The following CRYZL1 variants were observed in gnomAD, a reference collection of about 807,000 sequenced individuals.
CRYZL1 encodes the protein crystallin zeta like 1.
CRYZL1 carries 34 observed loss-of-function variants against 50.6 expected under a neutral mutation model. That is an observed-to-expected ratio of 0.67 (90% confidence interval 0.51 to 0.89). CRYZL1 has a LOEUF of 0.89. Ranked by LOEUF, CRYZL1 falls within the 40% of genes least tolerant of loss-of-function variation. The pLI, the probability that CRYZL1 is intolerant of heterozygous loss-of-function variation, is 0.00. For missense variants in CRYZL1, 354 were observed against 402.3 expected (o/e 0.88, Z 1.03); for synonymous variants, 125 against 134.3 (o/e 0.93, Z 0.48).
rs1022324204 is a variant in CRYZL1, at chr21:33,641,350, G to A, written c.-7+331C>T. 1.2e-5 allele frequency: 18 copies of A among 1,524,786 alleles called. No individual in the cohort carries two copies. The South Asian group carries it at 1.8e-4, about 16-fold the overall frequency. The allele number at this position is 1,524,786 out of a possible 1,614,324, so 94.5% of individuals were successfully genotyped here. On this transcript the variant is annotated intron_variant, in intron 1 of 12. Transcript: ENST00000381554. ...AAAGAAAAAGACACTCAAATTCTAG[G>A]AACAAGAAGCAGAGGAGAAAAACCC... is the stretch of plus-strand genomic sequence containing the variant.
intron 1 of CRYZL1, among the ~76,000 whole-genome samples, chr21:33,637,788 TAC>T (rs1555834479): frequency 4.5e-4 from 53 of 117,192 alleles, no homozygotes; most frequent in African/African-American, 1.4e-3. Context: ...TATATATATA[TAC>T]ACACACACAC....
intron 7 of CRYZL1, among the ~76,000 whole-genome samples, chr21:33,602,963 T>C (rs890329909): frequency 2.0e-5 from 3 of 152,222 alleles, no homozygotes; most frequent in African/African-American, 7.2e-5. Flanking sequence ...TCTTTTAGTG[T>C]CTTGAACTAT....
intron 4 of CRYZL1, among the ~76,000 whole-genome samples, chr21:33,621,610 G>C (rs562566946): frequency 3.3e-5 from 5 of 152,132 alleles, no homozygotes; most frequent in African/African-American, 1.2e-4. Context: ...CAAAGTGCTG[G>C]GATTACAGGC....
chr21:33,601,590 TA>T (rs919155089), intron 8 of CRYZL1, among the ~76,000 whole-genome samples: 19 of 151,338 alleles, frequency 1.3e-4, no homozygotes, highest in South Asian at 4.2e-4. Flanking sequence ...AATGTAAGTT[TA>T]AAAAAAAATA....
chr21:33,625,909 T>C (rs1389607677), intron 2 of CRYZL1, among the ~76,000 whole-genome samples: 1 of 151,654 alleles, frequency 6.6e-6, no homozygotes. Flanking sequence ...GATCCTCCTG[T>C]CTTGGCCTTC....
rs201151953 is a variant in CRYZL1 at position 33,602,242 on chromosome 21, G to A, written c.569C>T (p.Pro190Leu). The A allele has an allele frequency of 1.5e-4, 228 of 1,564,842 alleles. No homozygotes were observed. The Admixed American group carries it at 3.0e-3, about 21-fold the overall frequency. The change falls in exon 8 of 13, where the codon CCT (proline) becomes CTT (leucine). Residue 190 changes from proline to leucine, a missense_variant. Transcript: ENST00000381554. ...EDKQCLERFR[P>L]PIARVIDVSN... ...CTCATAATATTACCCACCTATGGGA[G>A]GTCTGAATCTTTCAAGGCACTGCTT...
At chr21:33,618,833 T>C (rs2086964622) in intron 4 of CRYZL1, among the ~76,000 whole-genome samples, 1 of 152,126 alleles carries the variant, frequency 6.6e-6, no homozygotes, top group Non-Finnish European at 1.5e-5. Context: ...GTTTCTTTCA[T>C]ACTCCTCTTC....
chr21:33,618,355 C>T (rs1200382198), intron 4 of CRYZL1, among the ~76,000 whole-genome samples: 1 of 151,306 alleles, frequency 6.6e-6, no homozygotes, highest in Non-Finnish European at 1.5e-5. Context: ...GAAAAAGCCT[C>T]GACTATCAGT....
In CRYZL1 at chr21:33,605,530, C is replaced by CTTTTTTTTTT. The variant is rs146096008; in HGVS notation, c.332-2003_332-1994dup. On this transcript the variant is annotated intron_variant, in intron 6 of 12. Coordinates refer to ENST00000381554, the MANE Select transcript of CRYZL1 (RefSeq NM_145858.3). ...GTAATTTTTCCGCAGTACAAGAATT[C>CTTTTTTTTTT]TTTTTTTTTTGAGATGGAGTCTCAC... 2.9e-3 allele frequency among the ~76,000 whole-genome samples: 152 copies of CTTTTTTTTTT among 53,198 alleles called. 47 individuals carry two copies. Among genetic ancestry groups the CTTTTTTTTTT allele is most frequent in the East Asian group, 5.9e-3 (9 of 1,528 alleles). 34.9% of individuals were successfully genotyped at this position (53,198 alleles called of 152,430 possible).
intron 4 of CRYZL1, among the ~76,000 whole-genome samples, chr21:33,617,345 G>A (rs577997640): frequency 6.6e-6 from 1 of 152,200 alleles, no homozygotes; most frequent in Non-Finnish European, 1.5e-5. Flanking sequence ...GGAAGAAGGA[G>A]TAAAGAAACT....
chr21:33,602,180 T>C, intron 8 of CRYZL1, 54 bp downstream of exon 8: 2 of 987,056 alleles, frequency 2.0e-6, no homozygotes, highest in Non-Finnish European at 3.2e-6. Flanking sequence ...TTTTTAAAGG[T>C]GATTTTCCTT....
At chr21:33,616,043 C>T (rs1021197970) in intron 5 of CRYZL1, among the ~76,000 whole-genome samples, 1 of 152,160 alleles carries the variant, frequency 6.6e-6, no homozygotes, top group Non-Finnish European at 1.5e-5. Context: ...AACTCGTCAT[C>T]TAGCATTAGG....
At chr21:33,630,799 A>G (rs972399424) in intron 2 of CRYZL1, among the ~76,000 whole-genome samples, 14 of 152,240 alleles carry the variant, frequency 9.2e-5, no homozygotes, top group African/African-American at 3.4e-4. Flanking sequence ...TACACAACAG[A>G]ATACTATTCA....
In CRYZL1 at chr21:33,599,355, G is replaced by C. The variant is rs185167943; in HGVS notation, c.578-107C>G. ...GCAAATAAATATCTATTCTTGAAAT[G>C]AGTTAAGCAATTCAAACAATTACTG... On this transcript the variant is annotated intron_variant, in intron 8 of 12. Coordinates refer to ENST00000381554, the MANE Select transcript of CRYZL1 (RefSeq NM_145858.3). 2.1e-6 allele frequency: 3 copies of C among 1,435,076 alleles called. No homozygotes were observed. In the African/African-American group the frequency reaches 4.2e-5, roughly 20 times the overall value. 88.9% of individuals were successfully genotyped at this position (1,435,076 alleles called of 1,614,324 possible). A position where few individuals can be genotyped will look rare whatever the true frequency, so the allele number is the denominator to read the frequency against.
chr21:33,638,501 C>G (rs2087238140), intron 1 of CRYZL1, among the ~76,000 whole-genome samples: 1 of 152,208 alleles, frequency 6.6e-6, no homozygotes, highest in Non-Finnish European at 1.5e-5. Context: ...GCGTGAGCCA[C>G]TGCACTTGGC....
intron 6 of CRYZL1, among the ~76,000 whole-genome samples, chr21:33,608,624 A>T (rs373641719): frequency 6.6e-6 from 1 of 152,172 alleles, no homozygotes; most frequent in Non-Finnish European, 1.5e-5. Context: ...AACATGCTGT[A>T]TCTGCCTTTC....
intron 8 of CRYZL1, 50 bp from the exon 9 acceptor site, chr21:33,599,298 CACAA>C (rs1286925454): frequency 1.9e-6 from 3 of 1,612,390 alleles, no homozygotes; most frequent in Non-Finnish European, 2.5e-6. Flanking sequence ...ATGTGATCAA[CACAA>C]ACAAATCAGG....
chr21:33,616,810 T>C, intron 4 of CRYZL1, 60 bp from the exon 5 acceptor site: 1 of 1,354,840 alleles, frequency 7.4e-7, no homozygotes, highest in Non-Finnish European at 9.9e-7. Context: ...AATTCTTATC[T>C]ATTAAAATAC....
chr21:33,612,622 T>C (rs552759140), intron 6 of CRYZL1, among the ~76,000 whole-genome samples: 4 of 152,282 alleles, frequency 2.6e-5, no homozygotes, highest in South Asian at 2.1e-4. Flanking sequence ...GTCAGTCTGG[T>C]GGATGCATAA....
Sources: allele counts gnomAD v4.1 joint callset (sites outside exome capture counted in the v4.1 genomes callset), GRCh38; gene constraint gnomAD v4.1.1; transcripts MANE v1.5; gene names NCBI Gene and HGNC (gene_info 2026-07-23, HGNC 2026-07-21).